UBE2H: variants seen among roughly 807,000 people sequenced by gnomAD.
The protein encoded by UBE2H is ubiquitin conjugating enzyme E2 H.
A neutral mutation model predicts 29.0 loss-of-function variants in UBE2H; 3 were observed. That is an observed-to-expected ratio of 0.10 (90% confidence interval 0.05 to 0.27). The LOEUF (loss-of-function observed/expected upper bound fraction) is 0.27, where lower values mean the gene tolerates loss of function less well. Ranked by LOEUF, UBE2H falls within the 10% of genes least tolerant of loss-of-function variation. The pLI is 1.00. For synonymous variants in UBE2H, 69 were observed against 82.9 expected (o/e 0.83, Z 0.91); for missense variants, 68 against 228.2 (o/e 0.30, Z 4.52).
At chr7:129,939,529 G>T (rs1584799141) in intron 1 of UBE2H, among the ~76,000 whole-genome samples, 1 of 152,274 alleles carries the variant, frequency 6.6e-6, no homozygotes, top group Non-Finnish European at 1.5e-5. Context: ...TACTCTTGGT[G>T]ATCTCTTACT....
At chr7:129,878,040 T>G (rs1806181552) in intron 3 of UBE2H, among the ~76,000 whole-genome samples, 1 of 152,196 alleles carries the variant, frequency 6.6e-6, no homozygotes. Flanking sequence ...TTTAAAGTCC[T>G]ATCACTAACC....
At chr7:129,933,540 T>C (rs959714382) in intron 1 of UBE2H, among the ~76,000 whole-genome samples, 1 of 152,202 alleles carries the variant, frequency 6.6e-6, no homozygotes, top group African/African-American at 2.4e-5. Flanking sequence ...AAAACGGCAT[T>C]GAATAACCTA....
intron 1 of UBE2H, among the ~76,000 whole-genome samples, chr7:129,943,657 T>G (rs1008651789): frequency 2.0e-5 from 3 of 152,080 alleles, no homozygotes; most frequent in Admixed American, 2.0e-4. Flanking sequence ...ATCCCAGTAC[T>G]TGAGAGGCAG....
At chr7:129,948,094 A>C (rs767781195) in intron 1 of UBE2H, among the ~76,000 whole-genome samples, 67 of 152,134 alleles carry the variant, frequency 4.4e-4, no homozygotes, top group Admixed American at 2.1e-3. Context: ...TCCTGACCTC[A>C]GGTGATCTGC....
chr7:129,879,445 G>T, intron 3 of UBE2H, 123 bp downstream of exon 3: 2 of 924,768 alleles, frequency 2.2e-6, no homozygotes, highest in Non-Finnish European at 3.4e-6. Context: ...ATTAACCAAA[G>T]CCAAAAAAGG....
chr7:129,852,621 GAGT>G (rs1473958784), intron 5 of UBE2H, among the ~76,000 whole-genome samples: 2 of 152,190 alleles, frequency 1.3e-5, no homozygotes, highest in East Asian at 1.9e-4. Context: ...AGCAAAATAA[GAGT>G]AGAAGTATCT....
intron 1 of UBE2H, among the ~76,000 whole-genome samples, chr7:129,888,360 A>G (rs1806405279): frequency 6.6e-6 from 1 of 152,256 alleles, no homozygotes; most frequent in Non-Finnish European, 1.5e-5. Context: ...CCATATGTAT[A>G]AAGATTTAGG....
At position 129,832,649 on chromosome 7, in the gene UBE2H, A is replaced by T. The variant is rs1422891619; in HGVS notation, c.*2288T>A. The T allele has an allele frequency of 6.6e-6, 1 of 152,114 alleles. No individual in the cohort carries two copies. Among genetic ancestry groups the T allele is most frequent in the Non-Finnish European group, 1.5e-5 (1 of 68,030 alleles). The allele number at this position is 152,114 out of a possible 1,614,324, so 9.4% of individuals were successfully genotyped here. ...TGTCTTATCATTAGAGAGATGTGGGATTAGGTAAGGGGCAGAGTCATGGCA... is the reference window on the plus strand; with the variant it reads ...TGTCTTATCATTAGAGAGATGTGGGTTTAGGTAAGGGGCAGAGTCATGGCA... On this transcript the variant is annotated 3_prime_UTR_variant, in exon 7 of 7. Transcript: ENST00000355621.
intron 1 of UBE2H, among the ~76,000 whole-genome samples, chr7:129,896,793 A>C (rs970863449): frequency 6.6e-6 from 1 of 152,206 alleles, no homozygotes; most frequent in African/African-American, 2.4e-5. Flanking sequence ...CATTTAGCTA[A>C]GTCAGTGCAC....
chr7:129,896,815 T>C (rs12534043), intron 1 of UBE2H, among the ~76,000 whole-genome samples: 9,691 of 152,320 alleles, frequency 0.064, 369 homozygotes, highest in Non-Finnish European at 0.092. Context: ...AAAATCTCTA[T>C]TCACAGACCT....
At chr7:129,837,658 T>C (rs1805355999) in intron 6 of UBE2H, among the ~76,000 whole-genome samples, 1 of 150,684 alleles carries the variant, frequency 6.6e-6, no homozygotes, top group African/African-American at 2.5e-5. Flanking sequence ...GTGGTGGGAG[T>C]GAGTTTGAGA....
chr7:129,888,606 C>T (rs963553241), intron 1 of UBE2H, among the ~76,000 whole-genome samples: 1 of 152,168 alleles, frequency 6.6e-6, no homozygotes, highest in Non-Finnish European at 1.5e-5. Context: ...TCCCGAGTAG[C>T]TGGGATTACA....
chr7:129,855,343 A>G (rs571875319), intron 5 of UBE2H, among the ~76,000 whole-genome samples: 1 of 152,244 alleles, frequency 6.6e-6, no homozygotes, highest in South Asian at 2.1e-4. Flanking sequence ...TTTGATATGT[A>G]CATTTTTAAG....
chr7:129,854,065 T>G (rs1014377999), intron 5 of UBE2H, among the ~76,000 whole-genome samples: 6 of 148,770 alleles, frequency 4.0e-5, no homozygotes, highest in East Asian at 2.0e-4. Flanking sequence ...TGTTAGTTTT[T>G]TTTTTTTTTT....
chr7:129,922,801 T>C (rs184513181), intron 1 of UBE2H, among the ~76,000 whole-genome samples: 54 of 152,304 alleles, frequency 3.5e-4, no homozygotes, highest in Admixed American at 2.9e-3. Flanking sequence ...TTGCCCAGAC[T>C]GACTTGAACT....
At chr7:129,941,280 C>A (rs1038358262) in intron 1 of UBE2H, among the ~76,000 whole-genome samples, 1 of 151,722 alleles carries the variant, frequency 6.6e-6, no homozygotes, top group African/African-American at 2.4e-5. Flanking sequence ...CTCCTGAGTT[C>A]AAGCAATGCC....
chr7:129,876,453 AAT>A (rs1235202189), intron 3 of UBE2H, among the ~76,000 whole-genome samples: 1 of 152,238 alleles, frequency 6.6e-6, no homozygotes. Context: ...AAAAGATTCA[AAT>A]ATGATTCATC....
At chr7:129,934,698 G>C (rs1226686991) in intron 1 of UBE2H, among the ~76,000 whole-genome samples, 1 of 145,986 alleles carries the variant, frequency 6.8e-6, no homozygotes, top group East Asian at 2.0e-4. Context: ...AAATCATCAA[G>C]GTTTTCTCAT....
intron 3 of UBE2H, among the ~76,000 whole-genome samples, chr7:129,873,202 G>A (rs1806078441): frequency 6.6e-6 from 1 of 150,440 alleles, no homozygotes; most frequent in Non-Finnish European, 1.5e-5. Context: ...GTATTTTTTA[G>A]TAGAGACAGC....
Sources: allele counts gnomAD v4.1 joint callset (sites outside exome capture counted in the v4.1 genomes callset), GRCh38; gene constraint gnomAD v4.1.1; transcripts MANE v1.5; gene names NCBI Gene and HGNC (gene_info 2026-07-23, HGNC 2026-07-21).